CFAP251: variants seen among roughly 807,000 people sequenced by gnomAD.
The protein encoded by CFAP251 is cilia- and flagella-associated protein 251.
A neutral mutation model predicts 126.7 loss-of-function variants in CFAP251; 93 were observed. The ratio of observed to expected loss-of-function variants is 0.73; its 90% confidence interval spans 0.62 to 0.87. The LOEUF (loss-of-function observed/expected upper bound fraction) is 0.87. CFAP251 is among the 40% of genes least tolerant of loss of function. The pLI is 0.00. For missense variants in CFAP251, 1,287 were observed against 1,389.2 expected (o/e 0.93, Z 1.17); for synonymous variants, 503 against 506.9 (o/e 0.99, Z 0.10).
Position 121,934,178 on chromosome 12 carries a change from T to G in CFAP251, c.889-69T>G. 2.4e-6 allele frequency: 3 copies of G among 1,264,694 alleles called. No homozygotes were observed. In the South Asian group the frequency reaches 4.0e-5, roughly 17 times the overall value. 78.3% of individuals were successfully genotyped at this position (1,264,694 alleles called of 1,614,324 possible). ...CAGATCTTTCTGTGGGTCCCCGGCC[T>G]TTGCTGATAGTGGCCAAGGCTGGGC... On this transcript the variant is annotated intron_variant, in intron 4 of 21. Transcript: ENST00000288912.
intron 3 of CFAP251, among the ~76,000 whole-genome samples, chr12:121,926,786 A>T (rs1823416092): frequency 6.6e-6 from 1 of 152,134 alleles, no homozygotes; most frequent in Admixed American, 6.5e-5. Flanking sequence ...TCCACTAAAA[A>T]TACAAAATCA....
At chr12:121,971,743 C>T (rs1882333898) in intron 17 of CFAP251, 1 of 638,678 alleles carries the variant, frequency 1.6e-6, no homozygotes, top group Non-Finnish European at 2.8e-6. Context: ...GGACTTTTGT[C>T]TCCAATCTTT....
rs765003915 is a variant in CFAP251 at position 121,921,680 on chromosome 12, C to T, written c.375C>T (p.Phe125=). Reference sequence around the variant, plus strand: ...CCCAGTCAATCACATCAGGAATTTTCCCAGTAAGTAGTCATCTTAATTCAT... The same window carrying T: ...CCCAGTCAATCACATCAGGAATTTTTCCAGTAAGTAGTCATCTTAATTCAT... ...TDSQSITSGI[F]PKTQRGSKSK... is the part of the protein sequence containing the mutation. The change falls in exon 2 of 22, where the codon TTC becomes TTT. Residue 125 remains phenylalanine (F), a synonymous_variant. Coordinates refer to ENST00000288912, the MANE Select transcript of CFAP251 (RefSeq NM_144668.6). The T allele has an allele frequency of 3.7e-6, 6 of 1,605,068 alleles. No homozygotes were observed. In the Admixed American group the frequency reaches 8.6e-5, roughly 23 times the overall value.
At chr12:121,995,652 T>A (rs1239375213) in intron 19 of CFAP251, among the ~76,000 whole-genome samples, 1 of 152,112 alleles carries the variant, frequency 6.6e-6, no homozygotes, top group East Asian at 1.9e-4. Flanking sequence ...CCACCACACC[T>A]GTTTTTAGAT....
chr12:121,925,143 A>G (rs1880361380), intron 3 of CFAP251, among the ~76,000 whole-genome samples: 1 of 152,006 alleles, frequency 6.6e-6, no homozygotes, highest in Admixed American at 6.6e-5. Context: ...CCATTCCAAG[A>G]GGGTCCCAGA....
intron 19 of CFAP251, among the ~76,000 whole-genome samples, chr12:121,993,049 T>C (rs1327772018): frequency 4.3e-5 from 6 of 139,102 alleles, no homozygotes; most frequent in African/African-American, 1.3e-4. Context: ...ACTGTACTGC[T>C]GCCATCTCGG....
rs534178555 is a variant in CFAP251 at position 121,953,352 on chromosome 12, A to C, written c.1321-768A>C. ...CGGAGCATTGCCCTGCCTGCCCTCA[A>C]CTGGAAATGTGCATGTTGAGTGAGT... On this transcript the variant is annotated intron_variant, in intron 9 of 21. Transcript: ENST00000288912. The C allele has an allele frequency of 3.3e-5, 5 of 152,382 alleles. No homozygotes were observed. In the South Asian group the frequency reaches 1.0e-3, roughly 32 times the overall value. 9.4% of individuals were successfully genotyped at this position (152,382 alleles called of 1,614,324 possible).
At chr12:121,997,759 T>G (rs955237979) in intron 19 of CFAP251, 2 of 152,002 alleles carry the variant, frequency 1.3e-5, no homozygotes, top group Non-Finnish European at 2.9e-5. Flanking sequence ...TAGTTTGTTT[T>G]TTTTTTTTTG....
At position 121,973,030 on chromosome 12, in the gene CFAP251, G is replaced by T. The variant is rs556503569; in HGVS notation, c.2772-2214G>T. ...AATGGGGAAAATGTCTCCAGGGCAT[G>T]TCAGACATCTTCTTGGCAGCCCCTC... On this transcript the variant is annotated intron_variant, in intron 17 of 21. Transcript: ENST00000288912. 2.6e-5 allele frequency among the ~76,000 whole-genome samples: 4 copies of T among 152,346 alleles called. No individual in the cohort carries two copies. The South Asian group carries it at 8.3e-4, about 32-fold the overall frequency.
chr12:121,958,883 A>G (rs756179808), intron 12 of CFAP251, 60 bp from the exon 13 acceptor site: 2 of 1,524,942 alleles, frequency 1.3e-6, no homozygotes, highest in Non-Finnish European at 1.8e-6. Context: ...CCTGGCACAG[A>G]CTCAACATCT....
At chr12:121,922,551 G>A (rs1411341521) in intron 2 of CFAP251, among the ~76,000 whole-genome samples, 2 of 152,152 alleles carry the variant, frequency 1.3e-5, no homozygotes, top group African/African-American at 4.8e-5. Context: ...TGCCACAGCT[G>A]AGGTGCTCGC....
At chr12:121,993,703 C>G in intron 19 of CFAP251, among the ~76,000 whole-genome samples, 1 of 149,826 alleles carries the variant, frequency 6.7e-6, no homozygotes, top group Non-Finnish European at 1.5e-5. Context: ...GCCGCCCCGT[C>G]TGAGAAGTGA....
chr12:121,939,387 C>T (rs1881015989), intron 5 of CFAP251, among the ~76,000 whole-genome samples: 1 of 152,130 alleles, frequency 6.6e-6, no homozygotes, highest in Non-Finnish European at 1.5e-5. Context: ...TCCAACTTAA[C>T]CACAAGGGAA....
At chr12:121,933,996 T>C (rs187258272) in intron 4 of CFAP251, among the ~76,000 whole-genome samples, 11 of 152,256 alleles carry the variant, frequency 7.2e-5, no homozygotes, top group Middle Eastern at 3.4e-3. Context: ...AGTTGCCGCT[T>C]GCCTTCACCT....
Position 121,954,118 on chromosome 12 carries a change from A to G in CFAP251, c.1321-2A>G, listed in dbSNP as rs1296278597. 6.2e-7 allele frequency: 1 copy of G among 1,613,390 alleles called. No individual in the cohort carries two copies. The highest frequency in any genetic ancestry group is 8.5e-7 in the Non-Finnish European group (1 of 1,179,524). On this transcript the variant is annotated splice_acceptor_variant, in intron 9 of 21. Transcript: ENST00000288912. LOFTEE classifies it high-confidence loss of function. The stretch of plus-strand genomic sequence containing the variant: ...GTAACTATAACCTTTCTTTTGAAAC[A>G]GACCTTCAACAAGCTTGTGGGAAAG...
In CFAP251 at chr12:121,989,050, A is replaced by C. The variant is rs913389079; in HGVS notation, c.3007-10666A>C. Among the ~76,000 whole-genome samples the C allele has an allele frequency of 1.3e-5, 2 of 151,894 alleles. No homozygotes were observed. Among genetic ancestry groups the C allele is most frequent in the African/African-American group, 2.4e-5 (1 of 41,350 alleles). On this transcript the variant is annotated intron_variant, in intron 19 of 21. Transcript: ENST00000288912. This position sits in a 1 kb window ranked among gnomAD's most constrained non-coding sequence, Gnocchi z 4.2. ...GGTGCCCGGCCCACATCACTTCTTC[A>C]CTTGAGCTAGGAACCATCTGGGGCT...
chr12:122,000,566 G>A lies in CFAP251; in HGVS notation c.3235+622G>A, dbSNP rs201943303. ...GACTGTCAAAAAAAAAAAAAAGAAA[G>A]AAAAAAAGAAAAGAAAAGAAAACAA... On this transcript the variant is annotated intron_variant, in intron 20 of 21. Coordinates refer to ENST00000288912, the MANE Select transcript of CFAP251 (RefSeq NM_144668.6). Among the ~76,000 whole-genome samples the A allele has an allele frequency of 1.3e-3, 191 of 148,998 alleles. 5 individuals carry two copies. The East Asian group carries it at 0.035, about 27-fold the overall frequency.
At chr12:121,965,001 C>T (rs1488162611) in intron 15 of CFAP251, among the ~76,000 whole-genome samples, 3 of 152,210 alleles carry the variant, frequency 2.0e-5, no homozygotes, top group Non-Finnish European at 4.4e-5. Flanking sequence ...CAGAGCATTT[C>T]CATCATTCCA....
chr12:121,959,184 C>T lies in CFAP251; in HGVS notation c.2133+90C>T, dbSNP rs114785795. ...AGACATAGTAGCTAACACCTGTAAT[C>T]CCAATGATTTGGGAGGCCGAGGTGG... On this transcript the variant is annotated intron_variant, in intron 13 of 21. Coordinates refer to ENST00000288912, the MANE Select transcript of CFAP251 (RefSeq NM_144668.6). 751 of 1,347,904 alleles carry T rather than the reference C, an allele frequency of 5.6e-4. 8 individuals are homozygous for T. In the African/African-American group the frequency reaches 9.1e-3, roughly 16 times the overall value. The allele number at this position is 1,347,904 out of a possible 1,614,324, so 83.5% of individuals were successfully genotyped here.
Sources: allele counts gnomAD v4.1 joint callset (sites outside exome capture counted in the v4.1 genomes callset), GRCh38; gene constraint gnomAD v4.1.1; non-coding constraint Gnocchi (gnomAD v3.1); transcripts MANE v1.5; gene names NCBI Gene and HGNC (gene_info 2026-07-23, HGNC 2026-07-21).